Variants in IL1RAPL2 observed in about 807,000 individuals in gnomAD.
IL1RAPL2 encodes the protein X-linked interleukin-1 receptor accessory protein-like 2.
In IL1RAPL2, 3 loss-of-function variants were observed where a neutral mutation model predicts 44.1. The ratio of observed to expected loss-of-function variants is 0.07; its 90% CI spans 0.03 to 0.18. The LOEUF is 0.18. Among genes scored for constraint, IL1RAPL2 ranks in the 10% least tolerant of loss-of-function variants. The pLI is 1.00. For missense variants in IL1RAPL2, 391 were observed against 496.4 expected, an observed-to-expected ratio of 0.79 and a Z score of 2.02; for synonymous variants, 181 against 178.8, an observed-to-expected ratio of 1.01 and a Z score of -0.10.
chrX:104,595,803 G>A (rs1928752841), intron 1 of IL1RAPL2, among the ~76,000 whole-genome samples: 2 of 111,905 alleles, frequency 1.8e-5, no homozygotes, highest in South Asian at 3.7e-4. Context: ...CTCTATCAAA[G>A]TAATATCCAA....
intron 1 of IL1RAPL2, chrX:104,647,762 G>C: frequency 3.7e-6 from 2 of 537,699 alleles, no homozygotes; most frequent in Non-Finnish European, 6.8e-6. Context: ...TTTGCTACCA[G>C]TGATGACTGG....
At chrX:104,977,737 C>T (rs763575696) in intron 2 of IL1RAPL2, among the ~76,000 whole-genome samples, 6 of 112,085 alleles carry the variant, frequency 5.4e-5, no homozygotes, top group African/African-American at 1.3e-4. Context: ...CAGTTTACAG[C>T]GGCAGCAGAG....
intron 2 of IL1RAPL2, among the ~76,000 whole-genome samples, chrX:105,165,786 G>C (rs969467380): frequency 9.0e-6 from 1 of 111,364 alleles, no homozygotes; most frequent in Admixed American, 9.6e-5. Context: ...TCCTTTGCTT[G>C]GGATGTCCTG....
At chrX:104,643,867 A>C (rs1163130409) in intron 1 of IL1RAPL2, among the ~76,000 whole-genome samples, 3 of 111,772 alleles carry the variant, frequency 2.7e-5, no homozygotes, top group Non-Finnish European at 3.8e-5. Context: ...TTGCTGTAGT[A>C]AAATTACTTA....
chrX:104,805,188 A>G (rs1426201569), intron 2 of IL1RAPL2, among the ~76,000 whole-genome samples: 1 of 111,630 alleles, frequency 9.0e-6, no homozygotes, highest in Non-Finnish European at 1.9e-5. Context: ...AAGCCCATAG[A>G]ATCTTAGACT....
chrX:105,668,890 T>A (rs766508631), intron 6 of IL1RAPL2, among the ~76,000 whole-genome samples: 1 of 111,315 alleles, frequency 9.0e-6, no homozygotes, highest in South Asian at 3.8e-4. Flanking sequence ...AGGACAAGGA[T>A]CATCTACAGA....
intron 7 of IL1RAPL2, among the ~76,000 whole-genome samples, chrX:105,724,853 T>C (rs1454507982): frequency 9.0e-6 from 1 of 111,230 alleles, no homozygotes; most frequent in Non-Finnish European, 1.9e-5. Flanking sequence ...TGTTAAAGCT[T>C]AATGGGAACT....
intron 1 of IL1RAPL2, among the ~76,000 whole-genome samples, chrX:104,580,933 G>A (rs1168824569): frequency 8.9e-6 from 1 of 112,034 alleles, no homozygotes; most frequent in Non-Finnish European, 1.9e-5. Context: ...GTGCCTTTAG[G>A]TGCCTTTGAA....
chrX:105,494,758 G>C (rs2036344801), intron 6 of IL1RAPL2, among the ~76,000 whole-genome samples: 1 of 111,273 alleles, frequency 9.0e-6, no homozygotes, highest in African/African-American at 3.3e-5. Flanking sequence ...GGGCTCAAGT[G>C]ATCCTCCTGT....
At chrX:105,280,171 A>G (rs1429879188) in intron 5 of IL1RAPL2, among the ~76,000 whole-genome samples, 1 of 112,073 alleles carries the variant, frequency 8.9e-6, no homozygotes, top group Non-Finnish European at 1.9e-5. Context: ...GCAAACAAGC[A>G]ATGGGGAAAA....
chrX:104,992,384 G>A (rs992174558), intron 2 of IL1RAPL2, among the ~76,000 whole-genome samples: 1 of 111,309 alleles, frequency 9.0e-6, no homozygotes, highest in Non-Finnish European at 1.9e-5. Flanking sequence ...CTTACACCGG[G>A]TACTTGCATT....
At chrX:104,733,477 C>T (rs764020292) in intron 2 of IL1RAPL2, among the ~76,000 whole-genome samples, 3 of 108,656 alleles carry the variant, frequency 2.8e-5, no homozygotes, top group Non-Finnish European at 3.8e-5. Context: ...AACAAAAAAC[C>T]GGGGTAGTGG....
At chrX:104,568,161 A>G (rs948000291) in intron 1 of IL1RAPL2, among the ~76,000 whole-genome samples, 1 of 110,705 alleles carries the variant, frequency 9.0e-6, no homozygotes, top group Non-Finnish European at 1.9e-5. Flanking sequence ...GCCCACCACC[A>G]CTACCTTCAA....
At chrX:105,216,800 A>T (rs1260157110) in intron 3 of IL1RAPL2, among the ~76,000 whole-genome samples, 1 of 111,689 alleles carries the variant, frequency 9.0e-6, no homozygotes, top group Non-Finnish European at 1.9e-5. Flanking sequence ...ATAACACCAC[A>T]CATCTACAAC....
At chrX:105,585,556 C>T (rs1460383036) in intron 6 of IL1RAPL2, among the ~76,000 whole-genome samples, 1 of 110,711 alleles carries the variant, frequency 9.0e-6, no homozygotes, top group East Asian at 2.9e-4. Context: ...TGTTGTTCCC[C>T]TCCCTGTGTC....
intron 2 of IL1RAPL2, among the ~76,000 whole-genome samples, chrX:105,038,490 G>T (rs866022389): frequency 3.6e-5 from 4 of 111,479 alleles, no homozygotes; most frequent in Non-Finnish European, 5.6e-5. Context: ...CATGGTGTTT[G>T]GTATCTCATC....
At chrX:104,864,025 G>T (rs1028258013) in intron 2 of IL1RAPL2, among the ~76,000 whole-genome samples, 2 of 111,639 alleles carry the variant, frequency 1.8e-5, no homozygotes, top group Admixed American at 9.5e-5. Flanking sequence ...GTCCCTAAAG[G>T]CTCCCACACT....
intron 2 of IL1RAPL2, among the ~76,000 whole-genome samples, chrX:104,776,711 G>T (rs1932724437): frequency 8.9e-6 from 1 of 111,781 alleles, no homozygotes; most frequent in Middle Eastern, 4.2e-3. Context: ...AATAAACTTT[G>T]TTTTACAATA....
intron 6 of IL1RAPL2, among the ~76,000 whole-genome samples, chrX:105,491,107 A>G (rs955714740): frequency 4.4e-5 from 5 of 112,595 alleles, no homozygotes; most frequent in Non-Finnish European, 9.4e-5. Flanking sequence ...GTTTAACAAA[A>G]TTAATCAACT....
Sources: gnomAD v4.1 joint callset for allele counts (sites outside exome capture counted in the v4.1 genomes callset) on GRCh38, gnomAD v4.1.1 for gene constraint, MANE v1.5 for transcripts, NCBI Gene and HGNC (gene_info 2026-07-23, HGNC 2026-07-21) for gene names.